Variants in CATSPERT observed in about 807,000 individuals in gnomAD.
CATSPERT encodes the protein cation channel sperm-associated targeting subunit tau.
chr2:201,582,246 G>A, the CATSPERT span: 2 of 1,564,400 alleles, frequency 1.3e-6, no homozygotes, highest in South Asian at 1.2e-5. Flanking sequence ...AAGAAAAGAA[G>A]CATTAAATTT....
the CATSPERT span, among the ~76,000 whole-genome samples, chr2:201,539,845 A>T: frequency 6.6e-6 from 1 of 152,146 alleles, no homozygotes; most frequent in Non-Finnish European, 1.5e-5. Flanking sequence ...AGAAATGATT[A>T]AGCTTACTGA....
At chr2:201,555,461 G>A in the CATSPERT span, 1 of 152,344 alleles carries the variant, frequency 6.6e-6, no homozygotes, top group East Asian at 1.9e-4. Flanking sequence ...GTTGCAGGAA[G>A]CCAAGATCGT....
chr2:201,582,226 C>A, the CATSPERT span: 2 of 1,579,300 alleles, frequency 1.3e-6, no homozygotes, highest in South Asian at 2.4e-5. Context: ...ACCTCAATAT[C>A]AAAATATATA....
chr2:201,558,589 C>T, the CATSPERT span, among the ~76,000 whole-genome samples: 6 of 152,304 alleles, frequency 3.9e-5, 1 homozygote, highest in Admixed American at 3.3e-4. Flanking sequence ...CCCACCAGCC[C>T]CCATTGCCAC....
the CATSPERT span, among the ~76,000 whole-genome samples, chr2:201,539,508 G>A: frequency 1.8e-5 from 2 of 109,928 alleles, no homozygotes; most frequent in African/African-American, 3.4e-5. Context: ...ACTTTTTAAC[G>A]AGGTTTTTTT....
chr2:201,538,565 A>G, the CATSPERT span, among the ~76,000 whole-genome samples: 22 of 152,202 alleles, frequency 1.4e-4, no homozygotes, highest in East Asian at 3.5e-3. Flanking sequence ...CATTATTATA[A>G]TATCTTTTAT....
the CATSPERT span, among the ~76,000 whole-genome samples, chr2:201,515,073 C>T: frequency 1.1e-4 from 17 of 151,822 alleles, no homozygotes; most frequent in African/African-American, 3.4e-4. Context: ...AAATAAAGGA[C>T]TAAGTAGAAT....
chr2:201,574,387 T>C, the CATSPERT span: 4 of 778,628 alleles, frequency 5.1e-6, no homozygotes, highest in Non-Finnish European at 5.8e-6. Context: ...AGCCAAAGTA[T>C]GAATCTCCTG....
chr2:201,516,745 G>A, the CATSPERT span, among the ~76,000 whole-genome samples: 34 of 143,738 alleles, frequency 2.4e-4, no homozygotes, highest in East Asian at 7.6e-3. Flanking sequence ...GGTTTTTGTG[G>A]AGATTTTTTT....
chr2:201,510,351 C>T, the CATSPERT span, among the ~76,000 whole-genome samples: 9 of 152,026 alleles, frequency 5.9e-5, 1 homozygote, highest in East Asian at 1.9e-4. Context: ...GGCTGAGGCA[C>T]GAGAATTGCC....
chr2:201,545,709 T>A, the CATSPERT span: 2 of 875,214 alleles, frequency 2.3e-6, no homozygotes, highest in Non-Finnish European at 3.2e-6. Context: ...TTCCTCTGCC[T>A]TCATAACTAC....
the CATSPERT span, chr2:201,574,365 G>T: frequency 8.5e-7 from 1 of 1,173,140 alleles, no homozygotes; most frequent in Admixed American, 2.8e-5. Context: ...TTACAAATCT[G>T]TAAGTTAGAA....
the CATSPERT span, chr2:201,492,714 CATG>C: frequency 6.5e-7 from 1 of 1,535,278 alleles, no homozygotes; most frequent in Non-Finnish European, 8.7e-7. Flanking sequence ...TGACAAAAGA[CATG>C]ATTTCTTTCA....
the CATSPERT span, chr2:201,618,971 C>T: frequency 6.2e-7 from 1 of 1,613,852 alleles, no homozygotes; most frequent in Non-Finnish European, 8.5e-7. Context: ...TGGTTCAGGG[C>T]GTAAGGGACC....
At chr2:201,560,093 C>T in the CATSPERT span, among the ~76,000 whole-genome samples, 3,466 of 152,076 alleles carry the variant, frequency 0.023, 42 homozygotes, top group African/African-American at 0.032. Context: ...AAGAACCAAA[C>T]GGACATTCTA....
chr2:201,590,891 C>G, the CATSPERT span, among the ~76,000 whole-genome samples: 1 of 151,642 alleles, frequency 6.6e-6, no homozygotes, highest in African/African-American at 2.4e-5. Context: ...AGCCCTTTGT[C>G]AGATGAGTAG....
At chr2:201,535,773 A>AT in the CATSPERT span, 2 of 1,355,782 alleles carry the variant, frequency 1.5e-6, no homozygotes, top group Non-Finnish European at 1.9e-6. Context: ...TTTGTATTTA[A>AT]TTTTTTAAAA....
chr2:201,492,157 G>A, the CATSPERT span: 1 of 1,525,056 alleles, frequency 6.6e-7, no homozygotes, highest in Non-Finnish European at 8.7e-7. Context: ...CGTTTGTAAA[G>A]TGGTTTGTTG....
chr2:201,488,309 G>A, the CATSPERT span, among the ~76,000 whole-genome samples: 6 of 152,044 alleles, frequency 3.9e-5, no homozygotes, highest in East Asian at 3.8e-4. Context: ...CTCTCTCTCC[G>A]ACCCCAAATA....
Sources: gnomAD v4.1 joint callset for allele counts (sites outside exome capture counted in the v4.1 genomes callset) on GRCh38, gnomAD v4.1.1 for gene constraint, MANE v1.5 for transcripts, NCBI Gene and HGNC (gene_info 2026-07-23, HGNC 2026-07-21) for gene names.